The following ZMAT4 variants were observed in gnomAD, a reference collection of about 807,000 sequenced individuals.
ZMAT4 encodes zinc finger matrin-type 4, also known as zinc finger matrin-type protein 4.
In ZMAT4, 17 loss-of-function variants were observed where a neutral mutation model predicts 28.7. The observed-to-expected ratio is 0.59, with a 90% CI of 0.41 to 0.89. The LOEUF is 0.89. Among genes scored for constraint, ZMAT4 ranks in the 40% least tolerant of loss-of-function variants. The probability of loss-of-function intolerance (pLI) is 0.00; values close to 1 mark genes in which losing one functional copy is unlikely to be tolerated. For missense variants in ZMAT4, 240 were observed against 283.8 expected (o/e 0.85, Z 1.11); for synonymous variants, 117 against 109.2 (o/e 1.07, Z -0.44).
chr8:40,864,900 G>T (rs753866338), intron 1 of ZMAT4, among the ~76,000 whole-genome samples: 3 of 152,150 alleles, frequency 2.0e-5, no homozygotes, highest in Non-Finnish European at 2.9e-5. Context: ...GAGGTACGAA[G>T]TTCCTAAAAA....
At chr8:40,787,346 T>A (rs1814130047) in intron 2 of ZMAT4, among the ~76,000 whole-genome samples, 1 of 152,232 alleles carries the variant, frequency 6.6e-6, no homozygotes, top group Non-Finnish European at 1.5e-5. Flanking sequence ...TCTGTCCATG[T>A]CATCCATCAA....
At chr8:40,730,774 A>C (rs1265581959) in intron 3 of ZMAT4, among the ~76,000 whole-genome samples, 2 of 152,228 alleles carry the variant, frequency 1.3e-5, no homozygotes, top group African/African-American at 4.8e-5. Flanking sequence ...TCATGGGAGT[A>C]GGAAATTCCT....
chr8:40,802,722 G>T (rs565655194), intron 2 of ZMAT4, among the ~76,000 whole-genome samples: 1 of 152,218 alleles, frequency 6.6e-6, no homozygotes, highest in Non-Finnish European at 1.5e-5. Context: ...TTTAGAAATT[G>T]ATTCTACAGT....
intron 1 of ZMAT4, among the ~76,000 whole-genome samples, chr8:40,844,162 A>G (rs377066088): frequency 4.9e-4 from 75 of 152,354 alleles, no homozygotes; most frequent in African/African-American, 1.7e-3. Flanking sequence ...AAGGAGGTAA[A>G]TAAAATAATA....
chr8:40,821,957 T>G (rs967031999), intron 2 of ZMAT4, among the ~76,000 whole-genome samples: 1 of 152,220 alleles, frequency 6.6e-6, no homozygotes, highest in Non-Finnish European at 1.5e-5. Flanking sequence ...GGATAAATCA[T>G]GACATTCTCC....
chr8:40,710,080 A>G (rs1810539038), intron 3 of ZMAT4, among the ~76,000 whole-genome samples: 1 of 151,536 alleles, frequency 6.6e-6, no homozygotes, highest in African/African-American at 2.4e-5. Context: ...AGTCTGAGAT[A>G]TATACATATA....
Position 40,640,598 on chromosome 8 carries a change from G to A in ZMAT4, c.577+34106C>T, listed in dbSNP as rs201958533. On this transcript the variant is annotated intron_variant, in intron 5 of 6. Coordinates refer to ENST00000297737, the MANE Select transcript of ZMAT4 (RefSeq NM_024645.3). ...CCTTGATAGTTCTGGAAAGTTCTGGGAAGATCTTGGGATAGTTCCAGAAAA... is the reference window on the plus strand; with the variant it reads ...CCTTGATAGTTCTGGAAAGTTCTGGAAAGATCTTGGGATAGTTCCAGAAAA... Among the ~76,000 whole-genome samples, 12 of 151,350 alleles carry A rather than the reference G, an allele frequency of 7.9e-5. No individual in the cohort carries two copies. In the East Asian group the frequency reaches 1.2e-3, roughly 15 times the overall value.
intron 5 of ZMAT4, among the ~76,000 whole-genome samples, chr8:40,657,422 C>A (rs543083097): frequency 1.3e-5 from 2 of 151,742 alleles, no homozygotes; most frequent in African/African-American, 2.4e-5. Context: ...CACCTTTATT[C>A]TTGAAGAATA....
At chr8:40,796,668 A>T (rs1283062330) in intron 2 of ZMAT4, among the ~76,000 whole-genome samples, 2 of 152,216 alleles carry the variant, frequency 1.3e-5, no homozygotes, top group Admixed American at 6.5e-5. Context: ...CGCCCCGCAC[A>T]GCTGCTGCAG....
At chr8:40,685,145 C>G (rs1008052508) in intron 4 of ZMAT4, among the ~76,000 whole-genome samples, 1 of 151,984 alleles carries the variant, frequency 6.6e-6, no homozygotes, top group Non-Finnish European at 1.5e-5. Context: ...CTGAGTCAGT[C>G]TATGAAATCA....
intron 5 of ZMAT4, among the ~76,000 whole-genome samples, chr8:40,622,263 C>T (rs1169265718): frequency 6.6e-6 from 1 of 152,106 alleles, no homozygotes; most frequent in African/African-American, 2.4e-5. Context: ...CTTGTATCTG[C>T]CCAAAGAGAA....
At chr8:40,808,746 G>A (rs1298988500) in intron 2 of ZMAT4, among the ~76,000 whole-genome samples, 1 of 151,690 alleles carries the variant, frequency 6.6e-6, no homozygotes, top group Non-Finnish European at 1.5e-5. Flanking sequence ...GAAGGAAAAA[G>A]AGGATGTCAG....
chr8:40,748,099 A>G (rs1812312054), intron 3 of ZMAT4, among the ~76,000 whole-genome samples: 1 of 152,230 alleles, frequency 6.6e-6, no homozygotes, highest in Admixed American at 6.5e-5. Context: ...TTTAAAGGTC[A>G]GCTGTAAAAC....
chr8:40,672,314 T>G (rs1236915010), intron 5 of ZMAT4, among the ~76,000 whole-genome samples: 1 of 151,798 alleles, frequency 6.6e-6, no homozygotes, highest in Admixed American at 6.6e-5. Context: ...AATAGAGGGG[T>G]GTGTGTGTGG....
chr8:40,821,437 T>TGGCA (rs989389139), intron 2 of ZMAT4, among the ~76,000 whole-genome samples: 2 of 66,898 alleles, frequency 3.0e-5, no homozygotes, highest in African/African-American at 9.7e-5. Context: ...TCTTAACGCT[T>TGGCA]AGCAAGAAAA....
chr8:40,864,223 A>C (rs1817600109), intron 1 of ZMAT4, among the ~76,000 whole-genome samples: 1 of 152,252 alleles, frequency 6.6e-6, no homozygotes, highest in Non-Finnish European at 1.5e-5. Context: ...CTGAGCCACG[A>C]AAATCAGCAG....
chr8:40,605,102 A>G (rs1395466388), intron 5 of ZMAT4, among the ~76,000 whole-genome samples: 1 of 152,126 alleles, frequency 6.6e-6, no homozygotes, highest in African/African-American at 2.4e-5. Flanking sequence ...CTAATGCTTT[A>G]TCAATTTTGT....
chr8:40,594,127 C>T (rs551574597), intron 5 of ZMAT4, among the ~76,000 whole-genome samples: 7 of 152,314 alleles, frequency 4.6e-5, no homozygotes, highest in Non-Finnish European at 7.4e-5. Flanking sequence ...CTTTCCCCTC[C>T]GCCAGCCTGA....
At chr8:40,872,958 C>A (rs1325561118) in intron 1 of ZMAT4, among the ~76,000 whole-genome samples, 15 of 152,122 alleles carry the variant, frequency 9.9e-5, no homozygotes, top group Non-Finnish European at 2.9e-5. Context: ...TGTGGACCAG[C>A]ACAGCAGAAA....
Sources: allele counts gnomAD v4.1 joint callset (sites outside exome capture counted in the v4.1 genomes callset), GRCh38; gene constraint gnomAD v4.1.1; transcripts MANE v1.5; gene names NCBI Gene and HGNC (gene_info 2026-07-23, HGNC 2026-07-21).